The following C12orf42 variants were observed in gnomAD, a reference collection of about 807,000 sequenced individuals.
C12orf42 encodes the protein uncharacterized protein C12orf42.
C12orf42 carries 25 observed loss-of-function variants against 21.6 expected under a neutral mutation model. That is an observed-to-expected ratio of 1.16 (90% CI 0.84 to 1.62). C12orf42 has a LOEUF of 1.62. Ranked by LOEUF, C12orf42 falls within the 40% of genes most tolerant of loss-of-function variation. C12orf42 has a pLI of 0.00. For missense variants in C12orf42, 483 were observed against 459.3 expected (o/e 1.05, Z -0.47); for synonymous variants, 174 against 175.0 (o/e 0.99, Z 0.05).
At chr12:103,454,124 C>G (rs920531058) in intron 2 of C12orf42, among the ~76,000 whole-genome samples, 1 of 152,102 alleles carries the variant, frequency 6.6e-6, no homozygotes, top group African/African-American at 2.4e-5. Flanking sequence ...CTTCCCTGCT[C>G]TGGTCCTCTA....
At chr12:103,455,808 C>A (rs1425421911) in intron 2 of C12orf42, among the ~76,000 whole-genome samples, 1 of 152,078 alleles carries the variant, frequency 6.6e-6, no homozygotes, top group Admixed American at 6.6e-5. Flanking sequence ...TGCTTGTTTT[C>A]TACTCAAAAC....
At chr12:103,382,995 T>C (rs370275883) in intron 3 of C12orf42, among the ~76,000 whole-genome samples, 2 of 152,322 alleles carry the variant, frequency 1.3e-5, no homozygotes, top group South Asian at 4.1e-4. Context: ...CCAGTCAAGA[T>C]CAGAAGAGGT....
intron 4 of C12orf42, among the ~76,000 whole-genome samples, chr12:103,366,421 A>G (rs2044606905): frequency 1.3e-5 from 2 of 152,098 alleles, no homozygotes; most frequent in Admixed American, 6.6e-5. Context: ...TTTCATGACC[A>G]AGAACCCAAA....
intron 1 of C12orf42, among the ~76,000 whole-genome samples, chr12:103,488,002 T>C (rs771980812): frequency 6.6e-6 from 1 of 152,228 alleles, no homozygotes; most frequent in Non-Finnish European, 1.5e-5. Context: ...GTTATTATGA[T>C]GTTAGCTGGT....
At chr12:103,359,985 C>T (rs908452070) in intron 4 of C12orf42, among the ~76,000 whole-genome samples, 2 of 151,626 alleles carry the variant, frequency 1.3e-5, no homozygotes, top group Non-Finnish European at 2.9e-5. Context: ...TCCTAGTCAT[C>T]CCCTTTCCCT....
the C12orf42 span, among the ~76,000 whole-genome samples, chr12:103,521,547 G>T: frequency 6.6e-6 from 1 of 152,140 alleles, no homozygotes; most frequent in East Asian, 1.9e-4. Context: ...TGGTGGGAGG[G>T]AGAGCATCAG....
In C12orf42 at chr12:103,453,025, C is replaced by CAA. The variant is rs34639780; in HGVS notation, c.78+25322_78+25323dup. ...ATGTACCCTAGAACTTATAGTATAT[C>CAA]AAAAAAAAAAAGAAAAGGAAATTTT... On this transcript the variant is annotated intron_variant, in intron 2 of 5. Coordinates refer to ENST00000548883, the MANE Select transcript of C12orf42 (RefSeq NM_198521.5). 2.6e-3 allele frequency among the ~76,000 whole-genome samples: 385 copies of CAA among 148,916 alleles called. 1 individual carries two copies. Among genetic ancestry groups the CAA allele is most frequent in the Middle Eastern group, 0.014 (4 of 286 alleles).
intron 2 of C12orf42, among the ~76,000 whole-genome samples, chr12:103,411,645 T>C (rs1384183476): frequency 3.3e-5 from 5 of 152,158 alleles, no homozygotes; most frequent in African/African-American, 7.2e-5. Flanking sequence ...TATCTTCTTC[T>C]GCCATGGGAG....
At chr12:103,309,382 ATT>A (rs544568889) in intron 4 of C12orf42, among the ~76,000 whole-genome samples, 327 of 152,238 alleles carry the variant, frequency 2.1e-3, no homozygotes, top group African/African-American at 7.6e-3. Flanking sequence ...TCTTAAAAAC[ATT>A]TTCTTTTCTT....
chr12:103,403,435 G>T (rs189841788), intron 2 of C12orf42, among the ~76,000 whole-genome samples: 4 of 151,238 alleles, frequency 2.6e-5, no homozygotes, highest in African/African-American at 9.7e-5. Flanking sequence ...CAAAAGGAAT[G>T]TGGTGTCACA....
chr12:103,090,130 C>T, the C12orf42 span, among the ~76,000 whole-genome samples: 2 of 152,194 alleles, frequency 1.3e-5, no homozygotes, highest in South Asian at 2.1e-4. Context: ...AGATTTCATT[C>T]TCCATGACTT....
the C12orf42 span, among the ~76,000 whole-genome samples, chr12:103,524,466 T>A: frequency 6.6e-6 from 1 of 152,170 alleles, no homozygotes; most frequent in Admixed American, 6.5e-5. Flanking sequence ...TTCCCAAGCC[T>A]CCACGTGCCT....
chr12:103,065,079 C>A, the C12orf42 span, among the ~76,000 whole-genome samples: 1 of 152,124 alleles, frequency 6.6e-6, no homozygotes, highest in East Asian at 1.9e-4. Context: ...CTGCCTTTAC[C>A]TAGAAACATA....
At chr12:103,417,754 T>A (rs2049489742) in intron 2 of C12orf42, among the ~76,000 whole-genome samples, 1 of 152,142 alleles carries the variant, frequency 6.6e-6, no homozygotes, top group Non-Finnish European at 1.5e-5. Context: ...GATAGATAAA[T>A]GGATGGATGC....
chr12:103,335,057 C>T (rs974667852), intron 4 of C12orf42, among the ~76,000 whole-genome samples: 1 of 152,022 alleles, frequency 6.6e-6, no homozygotes, highest in Admixed American at 6.6e-5. Flanking sequence ...ATTTTTATTT[C>T]TGTGTTTTAT....
At chr12:103,352,357 C>A (rs1009652101) in intron 4 of C12orf42, among the ~76,000 whole-genome samples, 1 of 152,112 alleles carries the variant, frequency 6.6e-6, no homozygotes, top group African/African-American at 2.4e-5. Context: ...AAATAAGTAG[C>A]TTCACTCTAT....
the C12orf42 span, among the ~76,000 whole-genome samples, chr12:103,107,000 G>A: frequency 6.6e-6 from 1 of 151,838 alleles, no homozygotes; most frequent in Non-Finnish European, 1.5e-5. Context: ...ATTGATGTTA[G>A]GCAAATAAGC....
chr12:103,171,806 A>G, the C12orf42 span, among the ~76,000 whole-genome samples: 5 of 152,022 alleles, frequency 3.3e-5, no homozygotes, highest in Non-Finnish European at 7.4e-5. Flanking sequence ...TCTTCTCTAT[A>G]TTGGTATTAT....
At chr12:103,190,049 C>T in the C12orf42 span, among the ~76,000 whole-genome samples, 1 of 151,958 alleles carries the variant, frequency 6.6e-6, no homozygotes, top group Non-Finnish European at 1.5e-5. Flanking sequence ...AATTACAAGG[C>T]AATGTCCCAT....
Sources: gnomAD v4.1 joint callset for allele counts (sites outside exome capture counted in the v4.1 genomes callset) on GRCh38, gnomAD v4.1.1 for gene constraint, MANE v1.5 for transcripts, NCBI Gene and HGNC (gene_info 2026-07-23, HGNC 2026-07-21) for gene names.